LRRC37A2: variants seen among roughly 807,000 people sequenced by gnomAD.
LRRC37A2 encodes the protein leucine rich repeat containing 37 member A2.
A neutral mutation model predicts 68.8 loss-of-function variants in LRRC37A2; 9 were observed. The ratio of observed to expected loss-of-function variants is 0.13; its 90% CI spans 0.08 to 0.23. The LOEUF (loss-of-function observed/expected upper bound fraction) is 0.23, where lower values mean the gene tolerates loss of function less well. LRRC37A2 is among the 10% of genes least tolerant of loss of function. The pLI, the probability that LRRC37A2 is intolerant of heterozygous loss-of-function variation, is 1.00. For synonymous variants in LRRC37A2, 63 were observed against 367.6 expected (o/e 0.17, Z 9.48); for missense variants, 168 against 950.4 (o/e 0.18, Z 10.82).
At chr17:46,890,099 G>A in the LRRC37A2 span, among the ~76,000 whole-genome samples, 15 of 152,174 alleles carry the variant, frequency 9.9e-5, no homozygotes, top group Admixed American at 8.5e-4. Context: ...TCTTGGGTCT[G>A]CTCTATGTCT....
chr17:46,905,795 TGTGTGTGTGTGTGTGTGTGC>T, the LRRC37A2 span, among the ~76,000 whole-genome samples: 5 of 98,296 alleles, frequency 5.1e-5, no homozygotes, highest in African/African-American at 1.0e-4. Context: ...TGTGTGTGTG[TGTGTGTGTGTGTGTGTGTGC>T]GTTTGTTGGG....
chr17:46,730,122 A>G, the LRRC37A2 span, among the ~76,000 whole-genome samples: 1 of 152,122 alleles, frequency 6.6e-6, no homozygotes, highest in African/African-American at 2.4e-5. Flanking sequence ...TACATATATC[A>G]TGATTCCTCC....
chr17:46,715,732 T>G, the LRRC37A2 span, among the ~76,000 whole-genome samples: 1 of 152,224 alleles, frequency 6.6e-6, no homozygotes, highest in Non-Finnish European at 1.5e-5. Flanking sequence ...GAAGGTAATA[T>G]GTGCTGATTT....
the LRRC37A2 span, among the ~76,000 whole-genome samples, chr17:47,023,657 C>T: frequency 0.015 from 2,322 of 152,096 alleles, 41 homozygotes; most frequent in African/African-American, 0.054. Flanking sequence ...TGCAATGGTG[C>T]GATCTTGGCT....
At chr17:47,009,325 C>T in the LRRC37A2 span, among the ~76,000 whole-genome samples, 1 of 152,156 alleles carries the variant, frequency 6.6e-6, no homozygotes, top group Non-Finnish European at 1.5e-5. Context: ...TTTAGACAGA[C>T]GGCCTGTGGC....
the LRRC37A2 span, among the ~76,000 whole-genome samples, chr17:46,731,375 G>A: frequency 6.6e-6 from 1 of 152,066 alleles, no homozygotes; most frequent in Admixed American, 6.5e-5. Flanking sequence ...AATGGGTATG[G>A]GGTTTCTTTT....
At chr17:47,018,604 C>A in the LRRC37A2 span, 1 of 1,520,518 alleles carries the variant, frequency 6.6e-7, no homozygotes, top group South Asian at 1.1e-5. Context: ...GAAGCTGGAC[C>A]TTTAGCAGTT....
chr17:46,774,767 A>G, the LRRC37A2 span, among the ~76,000 whole-genome samples: 1 of 152,196 alleles, frequency 6.6e-6, no homozygotes, highest in South Asian at 2.1e-4. Flanking sequence ...AGTTTAAAAT[A>G]CTAGAAAACC....
the LRRC37A2 span, among the ~76,000 whole-genome samples, chr17:46,959,824 A>G: frequency 6.6e-6 from 1 of 152,168 alleles, no homozygotes; most frequent in Non-Finnish European, 1.5e-5. Flanking sequence ...AGGTCCTCAG[A>G]AGCCATTCTT....
At chr17:47,033,250 A>AAAAAAG in the LRRC37A2 span, 1 of 590,548 alleles carries the variant, frequency 1.7e-6, no homozygotes, top group Admixed American at 3.1e-5. Flanking sequence ...AAAAAAAAAA[A>AAAAAAG]GAAAGAAAGA....
the LRRC37A2 span, chr17:46,831,056 T>C: frequency 1.7e-5 from 5 of 294,468 alleles, no homozygotes; most frequent in Non-Finnish European, 3.1e-5. Context: ...TGCAAATCAA[T>C]GTAAAGAAAA....
chr17:46,949,779 C>T, the LRRC37A2 span, among the ~76,000 whole-genome samples: 1 of 152,110 alleles, frequency 6.6e-6, no homozygotes, highest in East Asian at 1.9e-4. Context: ...CCTGGGCGGA[C>T]GGTCTCAGCA....
At chr17:46,784,936 C>T in the LRRC37A2 span, among the ~76,000 whole-genome samples, 10 of 152,120 alleles carry the variant, frequency 6.6e-5, no homozygotes, top group East Asian at 5.8e-4. Context: ...CCACCATGCC[C>T]GGCTAATTTT....
the LRRC37A2 span, among the ~76,000 whole-genome samples, chr17:46,753,943 A>G: frequency 6.6e-6 from 1 of 152,194 alleles, no homozygotes; most frequent in Non-Finnish European, 1.5e-5. Flanking sequence ...TATTCTGTTA[A>G]AACTTGCACA....
chr17:46,722,229 A>G, the LRRC37A2 span: 4 of 1,324,938 alleles, frequency 3.0e-6, no homozygotes, highest in East Asian at 9.2e-5. Context: ...TCGCGAGAGC[A>G]CGTCAAAATC....
At chr17:46,980,638 C>A in the LRRC37A2 span, among the ~76,000 whole-genome samples, 1 of 135,826 alleles carries the variant, frequency 7.4e-6, no homozygotes. Context: ...CTGGCTAACA[C>A]CGTGAAACCC....
the LRRC37A2 span, among the ~76,000 whole-genome samples, chr17:46,795,599 C>T: frequency 8.5e-5 from 13 of 152,190 alleles, no homozygotes; most frequent in Admixed American, 8.5e-4. Flanking sequence ...CACAGGTGTC[C>T]AGCCTGCAAA....
the LRRC37A2 span, among the ~76,000 whole-genome samples, chr17:46,740,725 G>T: frequency 2.7e-5 from 4 of 150,124 alleles, no homozygotes; most frequent in Non-Finnish European, 5.9e-5. Context: ...ACAATGGCAC[G>T]ATTTCGGCTC....
chr17:47,006,341 C>T, the LRRC37A2 span, among the ~76,000 whole-genome samples: 1 of 152,046 alleles, frequency 6.6e-6, no homozygotes, highest in Non-Finnish European at 1.5e-5. Context: ...GACTGCAGGG[C>T]CGGGTGCAGT....
Sources: gnomAD v4.1 joint callset for allele counts (sites outside exome capture counted in the v4.1 genomes callset) on GRCh38, gnomAD v4.1.1 for gene constraint, MANE v1.5 for transcripts, NCBI Gene and HGNC (gene_info 2026-07-23, HGNC 2026-07-21) for gene names.